Variants in GRM5 observed in about 807,000 individuals in gnomAD.
The protein encoded by GRM5 is metabotropic glutamate receptor 5.
A neutral mutation model predicts 83.1 loss-of-function variants in GRM5; 19 were observed. The ratio of observed to expected loss-of-function variants is 0.23; its 90% CI spans 0.16 to 0.34. The LOEUF (loss-of-function observed/expected upper bound fraction) is 0.34, where lower values mean the gene tolerates loss of function less well. Ranked by LOEUF, GRM5 falls within the 10% of genes least tolerant of loss-of-function variation. GRM5 has a pLI of 1.00. For synonymous variants in GRM5, 675 were observed against 633.6 expected (o/e 1.07, Z -0.98); for missense variants, 1,160 against 1,588.3 (o/e 0.73, Z 4.58).
chr11:88,935,349 A>ATGTG lies in GRM5; in HGVS notation c.662-85198_662-85195dup, dbSNP rs71046272. 1.0e-3 allele frequency among the ~76,000 whole-genome samples: 153 copies of ATGTG among 151,192 alleles called. 1 individual carries two copies. Among genetic ancestry groups the ATGTG allele is most frequent in the Middle Eastern group, 3.4e-3 (1 of 292 alleles). On this transcript the variant is annotated intron_variant, in intron 2 of 9. Coordinates refer to ENST00000305447, the MANE Select transcript of GRM5 (RefSeq NM_001143831.3). ...ATGAAGACAAAAAAATAGTGTGTGT[A>ATGTG]TGTGTGTGTGTGTATAATTTATATA...
chr11:88,669,128 A>G (rs1940128287), intron 3 of GRM5, among the ~76,000 whole-genome samples: 1 of 152,206 alleles, frequency 6.6e-6, no homozygotes, highest in Non-Finnish European at 1.5e-5. Context: ...ATCAAGATGT[A>G]GATACACCCT....
At chr11:88,672,844 CA>C (rs1437655800) in intron 3 of GRM5, among the ~76,000 whole-genome samples, 1 of 151,806 alleles carries the variant, frequency 6.6e-6, no homozygotes, top group Non-Finnish European at 1.5e-5. Flanking sequence ...AATCAATCAG[CA>C]AATACATATT....
chr11:88,700,555 G>T (rs1941007421), intron 3 of GRM5, among the ~76,000 whole-genome samples: 1 of 149,834 alleles, frequency 6.7e-6, no homozygotes, highest in Non-Finnish European at 1.5e-5. Flanking sequence ...CTTTGAAAGG[G>T]CAAATAACTT....
At chr11:89,057,335 ATT>A (rs1941899256) in intron 1 of GRM5, among the ~76,000 whole-genome samples, 1 of 150,690 alleles carries the variant, frequency 6.6e-6, no homozygotes, top group South Asian at 2.1e-4. Flanking sequence ...GGAAAGCTCC[ATT>A]GTCATTACTA....
chr11:88,863,147 G>A (rs7125459), intron 2 of GRM5, among the ~76,000 whole-genome samples: 2,603 of 151,996 alleles, frequency 0.017, 65 homozygotes, highest in African/African-American at 0.058. Context: ...ATGGGAACAC[G>A]TTTACACTCT....
chr11:88,860,759 A>G (rs1263985545), intron 2 of GRM5, among the ~76,000 whole-genome samples: 1 of 152,200 alleles, frequency 6.6e-6, no homozygotes, highest in Non-Finnish European at 1.5e-5. Flanking sequence ...TTCAGAAATG[A>G]GAAGGAAGAA....
chr11:88,510,211 A>C (rs1270191784), intron 9 of GRM5, among the ~76,000 whole-genome samples: 2 of 152,254 alleles, frequency 1.3e-5, no homozygotes, highest in African/African-American at 2.4e-5. Flanking sequence ...CTGTACTTGA[A>C]TAACAGTTCA....
At chr11:88,776,991 G>T in intron 3 of GRM5, among the ~76,000 whole-genome samples, 1 of 152,142 alleles carries the variant, frequency 6.6e-6, no homozygotes, top group Non-Finnish European at 1.5e-5. Flanking sequence ...GTCCTGCCTT[G>T]CTAGGTTGGG....
chr11:88,601,193 A>AT (rs770334727), intron 5 of GRM5, among the ~76,000 whole-genome samples: 71 of 152,146 alleles, frequency 4.7e-4, no homozygotes, highest in Non-Finnish European at 8.7e-4. Context: ...TATGACACAG[A>AT]TTTTTTACCA....
intron 8 of GRM5, among the ~76,000 whole-genome samples, chr11:88,537,963 G>A (rs1942173545): frequency 6.6e-6 from 1 of 152,018 alleles, no homozygotes; most frequent in East Asian, 1.9e-4. Context: ...GGGAAGCAAT[G>A]CAAATAAGGA....
At chr11:89,001,703 A>G (rs183291232) in intron 2 of GRM5, among the ~76,000 whole-genome samples, 6 of 152,292 alleles carry the variant, frequency 3.9e-5, no homozygotes, top group Admixed American at 3.9e-4. Context: ...AAACTGGTAA[A>G]GAGTATTTGA....
intron 9 of GRM5, among the ~76,000 whole-genome samples, chr11:88,514,972 C>T (rs1941484805): frequency 2.0e-5 from 3 of 152,134 alleles, no homozygotes; most frequent in Non-Finnish European, 1.5e-5. Context: ...AATAATTCCC[C>T]CAGAGAATCT....
At chr11:89,014,358 C>T (rs1336001991) in intron 2 of GRM5, among the ~76,000 whole-genome samples, 3 of 152,080 alleles carry the variant, frequency 2.0e-5, no homozygotes, top group South Asian at 2.1e-4. Context: ...TCAACAGTGC[C>T]GGCTCATCAT....
chr11:89,033,691 T>C (rs540795716), intron 2 of GRM5, among the ~76,000 whole-genome samples: 1 of 151,882 alleles, frequency 6.6e-6, no homozygotes. Context: ...GTTTTGAAGC[T>C]AGGAGAAAAA....
intron 2 of GRM5, among the ~76,000 whole-genome samples, chr11:88,852,250 A>G (rs1944400864): frequency 6.6e-6 from 1 of 152,214 alleles, no homozygotes; most frequent in Non-Finnish European, 1.5e-5. Context: ...GTTGTAGAGA[A>G]GCAGCTTGAA....
intron 2 of GRM5, among the ~76,000 whole-genome samples, chr11:88,900,521 C>T (rs970022396): frequency 2.0e-5 from 3 of 152,034 alleles, no homozygotes; most frequent in Non-Finnish European, 4.4e-5. Flanking sequence ...TACCTAAAAG[C>T]ATGTTGGTTA....
chr11:88,728,021 TAGATC>T (rs1237575562), intron 3 of GRM5, among the ~76,000 whole-genome samples: 2 of 151,608 alleles, frequency 1.3e-5, no homozygotes, highest in Non-Finnish European at 2.9e-5. Context: ...AGAAATAACT[TAGATC>T]AGAGGAAAAC....
intron 4 of GRM5, among the ~76,000 whole-genome samples, chr11:88,644,150 A>T (rs553918047): frequency 6.6e-6 from 1 of 152,188 alleles, no homozygotes; most frequent in Non-Finnish European, 1.5e-5. Context: ...TTCTTAATTT[A>T]TGATTTTGTA....
intron 3 of GRM5, among the ~76,000 whole-genome samples, chr11:88,802,208 G>A (rs549722679): frequency 6.6e-6 from 1 of 152,228 alleles, no homozygotes; most frequent in Non-Finnish European, 1.5e-5. Context: ...TTCTTCTGGT[G>A]TAGGCTTTAA....
Sources: gnomAD v4.1 joint callset for allele counts (sites outside exome capture counted in the v4.1 genomes callset) on GRCh38, gnomAD v4.1.1 for gene constraint, MANE v1.5 for transcripts, NCBI Gene and HGNC (gene_info 2026-07-23, HGNC 2026-07-21) for gene names.